The following CLK4 variants were observed in gnomAD, a reference collection of about 807,000 sequenced individuals.
CLK4 encodes dual specificity protein kinase CLK4.
CLK4 carries 37 observed loss-of-function variants against 64.4 expected under a neutral mutation model. The ratio of observed to expected loss-of-function variants is 0.57; its 90% CI spans 0.44 to 0.76. The LOEUF is 0.76. Ranked by LOEUF, CLK4 falls within the 30% of genes least tolerant of loss-of-function variation. The probability of loss-of-function intolerance (pLI) is 0.00; values close to 1 mark genes in which losing one functional copy is unlikely to be tolerated. For synonymous variants in CLK4, 175 were observed against 191.6 expected, an observed-to-expected ratio of 0.91 and a Z score of 0.72; for missense variants, 457 against 605.1, an observed-to-expected ratio of 0.76 and a Z score of 2.57.
chr5:178,616,410 A>C (rs1373317243), intron 5 of CLK4, among the ~76,000 whole-genome samples: 1 of 152,170 alleles, frequency 6.6e-6, no homozygotes, highest in Admixed American at 6.5e-5. Flanking sequence ...CAGCATTCTT[A>C]AGATCCACAT....
chr5:178,614,683 A>T (rs1764602931), intron 5 of CLK4, among the ~76,000 whole-genome samples: 1 of 152,204 alleles, frequency 6.6e-6, no homozygotes, highest in African/African-American at 2.4e-5. Flanking sequence ...AGGCTATAAA[A>T]ACATTTGGGG....
At chr5:178,622,729 T>A (rs1764725596) in intron 2 of CLK4, 1 of 152,336 alleles carries the variant, frequency 6.6e-6, no homozygotes. Context: ...CTTCTAAAAA[T>A]CCCAAACATA....
chr5:178,608,769 T>C (rs1764502147), intron 9 of CLK4, among the ~76,000 whole-genome samples: 2 of 152,226 alleles, frequency 1.3e-5, no homozygotes, highest in Non-Finnish European at 1.5e-5. Flanking sequence ...GTTTATATAA[T>C]GGGAGAGCAC....
At chr5:178,612,176 A>G (rs1308048200) in intron 9 of CLK4, among the ~76,000 whole-genome samples, 1 of 152,212 alleles carries the variant, frequency 6.6e-6, no homozygotes. Flanking sequence ...TTCTCTTATG[A>G]TCATTTAAGA....
At chr5:178,611,649 A>C (rs979067979) in intron 9 of CLK4, among the ~76,000 whole-genome samples, 3 of 152,212 alleles carry the variant, frequency 2.0e-5, no homozygotes, top group Non-Finnish European at 2.9e-5. Context: ...TTACACTCCT[A>C]TTCTGAACTA....
rs1388594805 is a variant in CLK4 at position 178,608,366 on chromosome 5, A to T, written c.1134+10T>A. The T allele has an allele frequency of 3.9e-6, 6 of 1,553,092 alleles. No individual in the cohort carries two copies. Among genetic ancestry groups the T allele is most frequent in the Non-Finnish European group, 4.4e-6 (5 of 1,142,830 alleles). On this transcript the variant is annotated intron_variant, in intron 10 of 12. Coordinates refer to ENST00000316308, the MANE Select transcript of CLK4 (RefSeq NM_020666.3). ...TATGAATTATTAAATGGAATTTACT[A>T]GCCACGTACCTGAAAGACTGTGAAA...
intron 7 of CLK4, 114 bp from the exon 8 acceptor site, chr5:178,613,004 G>A: frequency 1.9e-6 from 1 of 523,682 alleles, no homozygotes; most frequent in Non-Finnish European, 3.5e-6. Flanking sequence ...ATCTTTACTT[G>A]TAAAATGTCT....
At chr5:178,612,319 G>GAAGT in intron 9 of CLK4, 97 bp downstream of exon 9, 1 of 1,098,620 alleles carries the variant, frequency 9.1e-7, no homozygotes, top group Non-Finnish European at 1.3e-6. Flanking sequence ...TCTGAATCCT[G>GAAGT]CTGAGAAGAT....
At chr5:178,626,752 G>C (rs1764788448) in intron 1 of CLK4, among the ~76,000 whole-genome samples, 194 bp downstream of exon 1, 1 of 152,224 alleles carries the variant, frequency 6.6e-6, no homozygotes, top group Admixed American at 6.5e-5. Flanking sequence ...CCTCAGAGAA[G>C]GGTCAGCGGC....
In CLK4 at chr5:178,616,955, TGA is replaced by T; in HGVS notation, c.476-9_476-8del. ...AAAGTGTCCACGATTTCATCTAGAG[TGA>T]GGAGGGAAAAAGAGGTGTAAGTACC... On this transcript the variant is annotated splice_polypyrimidine_tract_variant and splice_region_variant and intron_variant, in intron 4 of 12. Transcript: ENST00000316308. The T allele has an allele frequency of 6.2e-7, 1 of 1,608,896 alleles. No individual in the cohort carries two copies. Among genetic ancestry groups the T allele is most frequent in the African/African-American group, 1.3e-5 (1 of 74,828 alleles).
At chr5:178,605,276 A>G (rs776764994) in intron 11 of CLK4, 27 bp downstream of exon 11, 19 of 1,444,916 alleles carry the variant, frequency 1.3e-5, no homozygotes, top group Middle Eastern at 1.8e-4. Context: ...CACATATCCA[A>G]CAAAAGTCTT....
At chr5:178,620,295 G>A in intron 2 of CLK4, 1 of 241,572 alleles carries the variant, frequency 4.1e-6, no homozygotes, top group South Asian at 5.1e-5. Flanking sequence ...TACTCTTAAG[G>A]GCATCCTTCC....
intron 5 of CLK4, among the ~76,000 whole-genome samples, 188 bp from the exon 6 acceptor site, chr5:178,614,031 A>T (rs1764593510): frequency 6.6e-6 from 1 of 152,356 alleles, no homozygotes; most frequent in Admixed American, 6.5e-5. Context: ...ATATGAAGTG[A>T]TAATTCCCTT....
intron 1 of CLK4, among the ~76,000 whole-genome samples, chr5:178,625,422 CAAAAAAAAA>C (rs58734641): frequency 1.3e-4 from 16 of 121,530 alleles, no homozygotes; most frequent in Admixed American, 2.5e-4. Context: ...GACCCTGTCT[CAAAAAAAAA>C]AAAAAAAAAA....
chr5:178,603,878 C>T lies in CLK4; in HGVS notation c.1271G>A (p.Gly424Asp), dbSNP rs751495239. The T allele has an allele frequency of 6.2e-7, 1 of 1,611,450 alleles. No individual in the cohort carries two copies. Among genetic ancestry groups the T allele is most frequent in the Non-Finnish European group, 8.5e-7 (1 of 1,179,308 alleles). Residue 424 changes from glycine (G) to aspartate (D), a missense_variant, in exon 12 of 13, where the codon GGT becomes GAT. Gly to Asp is a moderately conservative substitution (Grantham distance 94). Transcript: ENST00000316308. ...TTTGCAGCGTCTCCTAACATATCTA[C>T]CAGCAGAACTGTGTTCATCCCAATC... ...QLDWDEHSSA[G>D]RYVRRRCKPL...
intron 5 of CLK4, 71 bp from the exon 6 acceptor site, chr5:178,613,914 C>T (rs1764592154): frequency 1.8e-6 from 2 of 1,121,776 alleles, no homozygotes; most frequent in East Asian, 4.8e-5. Flanking sequence ...TGCTCTAAAG[C>T]ATAGTCTTAA....
At chr5:178,612,938 T>A (rs1348959502) in intron 7 of CLK4, 48 bp from the exon 8 acceptor site, 1 of 973,806 alleles carries the variant, frequency 1.0e-6, no homozygotes, top group South Asian at 1.4e-5. Context: ...CAAACTTAAT[T>A]TGTACTAGGA....
intron 5 of CLK4, among the ~76,000 whole-genome samples, chr5:178,614,781 C>A (rs1764603835): frequency 6.6e-6 from 1 of 152,132 alleles, no homozygotes; most frequent in African/African-American, 2.4e-5. Context: ...AAGGCCCCAA[C>A]GAATGTGAAC....
At chr5:178,608,254 A>T (rs1764495224) in intron 10 of CLK4, 122 bp downstream of exon 10, 1 of 647,692 alleles carries the variant, frequency 1.5e-6, no homozygotes, top group Non-Finnish European at 2.6e-6. Flanking sequence ...CATTTTGCCT[A>T]AGTTTTAATC....
Sources: gnomAD v4.1 joint callset for allele counts (sites outside exome capture counted in the v4.1 genomes callset) on GRCh38, gnomAD v4.1.1 for gene constraint, MANE v1.5 for transcripts, NCBI Gene and HGNC (gene_info 2026-07-23, HGNC 2026-07-21) for gene names.